Variants in SLC4A9 observed in about 807,000 individuals in gnomAD.
SLC4A9 encodes anion exchange protein 4.
Under a neutral mutation model 103.2 loss-of-function variants are expected in SLC4A9, and 102 were observed. That is an observed-to-expected ratio of 0.99 (90% CI 0.84 to 1.17). SLC4A9 has a LOEUF of 1.17. Ranked by LOEUF, SLC4A9 falls within the 50% of genes most tolerant of loss-of-function variation. SLC4A9 has a pLI of 0.00. For missense variants in SLC4A9, 1,091 were observed against 1,193.7 expected (o/e 0.91, Z 1.27); for synonymous variants, 453 against 483.6 (o/e 0.94, Z 0.83).
At chr5:140,361,708 T>C in intron 3 of SLC4A9, 100 bp from the exon 4 acceptor site, 1 of 1,329,046 alleles carries the variant, frequency 7.5e-7, no homozygotes, top group South Asian at 1.2e-5. Flanking sequence ...GGGTATACTC[T>C]AATTCTTACA....
At chr5:140,360,718 C>G in intron 1 of SLC4A9, 94 bp from the exon 2 acceptor site, 1 of 1,574,408 alleles carries the variant, frequency 6.4e-7, no homozygotes, top group Non-Finnish European at 8.6e-7. Context: ...CCAGGATGCC[C>G]TCATTGCCTT....
At position 140,363,887 on chromosome 5, in the gene SLC4A9, C is replaced by T; in HGVS notation, c.1239C>T (p.Ala413=). The change falls in exon 9 of 22, where the codon GCC becomes GCT. Residue 413 remains alanine, a synonymous_variant. Coordinates refer to ENST00000506757, the MANE Select transcript of SLC4A9 (RefSeq NM_031467.3). This position sits in a 1 kb window ranked among gnomAD's most constrained non-coding sequence, Gnocchi z 4.5. The part of the protein sequence containing the change: ...AITFGGLLGD[A]TDGAQGVLES... ...CTTTTGGGGGTCTGCTGGGAGATGC[C>T]ACTGATGGTGCCCAGGTGGGTAGGG... is the stretch of plus-strand genomic sequence containing the variant. 3 of 1,613,816 alleles carry T rather than the reference C, an allele frequency of 1.9e-6. No homozygotes were observed. Among genetic ancestry groups the T allele is most frequent in the Non-Finnish European group, 2.5e-6 (3 of 1,179,834 alleles).
chr5:140,368,094 G>T (rs1303965104), intron 16 of SLC4A9, among the ~76,000 whole-genome samples, 196 bp downstream of exon 16: 1 of 152,172 alleles, frequency 6.6e-6, no homozygotes, highest in Admixed American at 6.5e-5. Flanking sequence ...ATGGGGACTG[G>T]GAGGGGCCTC....
In SLC4A9 at chr5:140,366,782, C is replaced by T. The variant is rs564057623; in HGVS notation, c.2013+518C>T. ...CCTTGGCGTGGCCCTGCCCACTCCA[C>T]TACTCCTCACTCTCTTCTTCCCACC... On this transcript the variant is annotated intron_variant, in intron 14 of 21. Coordinates refer to ENST00000506757, the MANE Select transcript of SLC4A9 (RefSeq NM_031467.3). Among the ~76,000 whole-genome samples the T allele has an allele frequency of 3.3e-5, 5 of 152,298 alleles. No individual in the cohort carries two copies. The South Asian group carries it at 1.0e-3, about 32-fold the overall frequency.
At position 140,362,193 on chromosome 5, in the gene SLC4A9, T is replaced by A. The variant is rs779807297; in HGVS notation, c.719+19T>A. 11 of 1,507,662 alleles carry A rather than the reference T, an allele frequency of 7.3e-6. No individual in the cohort carries two copies. In the South Asian group the frequency reaches 1.5e-4, roughly 20 times the overall value. 93.4% of individuals were successfully genotyped at this position (1,507,662 alleles called of 1,614,324 possible). ...CAAGCAGGTGAGGCTACTGAGTGAG[T>A]GGGAGTCAGGGATCCCAGAACCTAG... On this transcript the variant is annotated intron_variant, in intron 5 of 21. Transcript: ENST00000506757.
At chr5:140,368,525 C>T (rs569002423) in intron 16 of SLC4A9, 62 bp from the exon 17 acceptor site, 1 of 1,444,920 alleles carries the variant, frequency 6.9e-7, no homozygotes, top group Non-Finnish European at 9.6e-7. Context: ...CAGCCAGGAT[C>T]TCCAGTCTGG....
chr5:140,363,401 G>A lies in SLC4A9; in HGVS notation c.963-38G>A. 1 of 1,533,942 alleles carries A rather than the reference G, an allele frequency of 6.5e-7. No individual in the cohort carries two copies. The highest frequency in any genetic ancestry group is 1.2e-5 in the South Asian group (1 of 83,536). ...TCTGGACCGAGTCGCAGACTGGTTG[G>A]AGATCCTCAGCCAACCTGGGGTTCC... On this transcript the variant is annotated intron_variant, in intron 7 of 21. Coordinates refer to ENST00000506757, the MANE Select transcript of SLC4A9 (RefSeq NM_031467.3). The surrounding 1 kb of genome is among the most constrained non-coding windows in gnomAD (Gnocchi z 4.5).
At chr5:140,361,204 G>A in intron 2 of SLC4A9, 50 bp from the exon 3 acceptor site, 1 of 1,471,604 alleles carries the variant, frequency 6.8e-7, no homozygotes, top group Non-Finnish European at 9.3e-7. Flanking sequence ...GGGGAAGAGT[G>A]TGCGGCAGGG....
chr5:140,366,005 C>G lies in SLC4A9; in HGVS notation c.1882C>G (p.Arg628Gly), dbSNP rs749285211. ...AMALKCVKTS[R>G]FFPSVVRKGL... ...GGCCCTCAAGTGTGTAAAGACCAGC[C>G]GCTTCTTCCCCTCTGTGGTGAGTTT... Residue 628 changes from arginine (R) to glycine (G), a missense_variant, in exon 13 of 22, where the codon CGC becomes GGC. By Grantham distance (125) the Arg-to-Gly change is moderately radical. Transcript: ENST00000506757. The G allele has an allele frequency of 2.5e-6, 4 of 1,613,964 alleles. No homozygotes were observed. The East Asian group carries it at 6.7e-5, about 27-fold the overall frequency.
Position 140,371,451 on chromosome 5 carries a change from T to G in SLC4A9, c.2497T>G (p.Phe833Val), listed in dbSNP as rs1417731214. 1.9e-6 allele frequency: 3 copies of G among 1,613,986 alleles called. No individual in the cohort carries two copies. The highest frequency in any genetic ancestry group is 2.5e-6 in the Non-Finnish European group (3 of 1,179,878). ...MGVAALSSIQFTNRVKLLLMP... is the reference protein window; with the variant it reads ...MGVAALSSIQVTNRVKLLLMP... ...TTTCCTCTTCCTCTTGTTCCCCTAG[T>G]TCACTAATAGGGTGAAGCTGTTGTT... Residue 833 changes from phenylalanine (F) to valine (V), a missense_variant and splice_region_variant, in exon 19 of 22, where the codon TTC becomes GTC. By Grantham distance (50) the Phe-to-Val change is conservative. Coordinates refer to ENST00000506757, the MANE Select transcript of SLC4A9 (RefSeq NM_031467.3).
chr5:140,363,193 G>C lies in SLC4A9; in HGVS notation c.962+127G>C, dbSNP rs1581136442. 9.4e-6 allele frequency: 12 copies of C among 1,270,798 alleles called. No homozygotes were observed. The East Asian group carries it at 3.0e-4, about 32-fold the overall frequency. The allele number at this position is 1,270,798 out of a possible 1,614,324, so 78.7% of individuals were successfully genotyped here. ...CTATCTTTGGATTTGGAGTCAGGCAGACCTAACTCTGAGTTCTGCTGGACT... is the reference window on the plus strand; with the variant it reads ...CTATCTTTGGATTTGGAGTCAGGCACACCTAACTCTGAGTTCTGCTGGACT... On this transcript the variant is annotated intron_variant, in intron 7 of 21. Coordinates refer to ENST00000506757, the MANE Select transcript of SLC4A9 (RefSeq NM_031467.3). The surrounding 1 kb of genome is among the most constrained non-coding windows in gnomAD (Gnocchi z 4.5).
In SLC4A9 at chr5:140,362,907, C is replaced by T; in HGVS notation, c.808-5C>T. The T allele has an allele frequency of 6.2e-7, 1 of 1,613,978 alleles. No individual in the cohort carries two copies. Among genetic ancestry groups the T allele is most frequent in the Non-Finnish European group, 8.5e-7 (1 of 1,179,876 alleles). ...TTACCACCCATTCTGTGCCCCCATT[C>T]CCAGCAATTCCAGTGGTCAGTTCGT... On this transcript the variant is annotated splice_polypyrimidine_tract_variant and splice_region_variant and intron_variant, in intron 6 of 21. Coordinates refer to ENST00000506757, the MANE Select transcript of SLC4A9 (RefSeq NM_031467.3).
Position 140,362,981 on chromosome 5 carries a change from G to T in SLC4A9, c.877G>T (p.Glu293Ter). 6.2e-7 allele frequency: 1 copy of T among 1,613,234 alleles called. No homozygotes were observed. The highest frequency in any genetic ancestry group is 8.5e-7 in the Non-Finnish European group (1 of 1,179,670). ...DLLAALDAFL[E>*]EVTVLPPGRW... ...TCTGGCAGCCCTGGATGCATTCCTA[G>T]AGGAGGTGACAGTGCTTCCCCCAGG... Residue 293 changes from glutamate to a stop codon, truncating the protein, a stop_gained, in exon 7 of 22, where the codon GAG (glutamate) becomes TAG (stop). Coordinates refer to ENST00000506757, the MANE Select transcript of SLC4A9 (RefSeq NM_031467.3). LOFTEE classifies it high-confidence loss of function.
intron 17 of SLC4A9, chr5:140,370,885 A>G: frequency 1.8e-6 from 1 of 548,680 alleles, no homozygotes; most frequent in Middle Eastern, 4.9e-4. Flanking sequence ...TCAATTTCCC[A>G]ATCTGTAAAA....
At position 140,365,826 on chromosome 5, in the gene SLC4A9, G is replaced by C; in HGVS notation, c.1711-8G>C. ...CTATAACTCCACTCCTGACCCTCCT[G>C]TGTACAGGACTTAGGCCTGATCAAT... On this transcript the variant is annotated splice_region_variant and splice_polypyrimidine_tract_variant and intron_variant, in intron 12 of 21. Coordinates refer to ENST00000506757, the MANE Select transcript of SLC4A9 (RefSeq NM_031467.3). 6.2e-7 allele frequency: 1 copy of C among 1,612,160 alleles called. No individual in the cohort carries two copies. Among genetic ancestry groups the C allele is most frequent in the African/African-American group, 1.3e-5 (1 of 75,010 alleles).
Position 140,361,382 on chromosome 5 carries a change from C to G in SLC4A9, c.505+15C>G, listed in dbSNP as rs867316150. Reference sequence around the variant, plus strand: ...GCCCTGCTGGGGTGAGAGCCCCTCCCTGGGCCCAGGACCAAGACCCTGGTG... The same window carrying G: ...GCCCTGCTGGGGTGAGAGCCCCTCCGTGGGCCCAGGACCAAGACCCTGGTG... On this transcript the variant is annotated intron_variant, in intron 3 of 21. Transcript: ENST00000506757. 1.7e-5 allele frequency: 26 copies of G among 1,545,168 alleles called. No individual in the cohort carries two copies. In the African/African-American group the frequency reaches 3.0e-4, roughly 18 times the overall value.
chr5:140,371,071 T>A, intron 17 of SLC4A9, 24 bp from the exon 18 acceptor site: 1 of 1,601,760 alleles, frequency 6.2e-7, no homozygotes, highest in Non-Finnish European at 8.5e-7. Context: ...TAAACTTTGA[T>A]AACTCTCTGC....
Position 140,362,908 on chromosome 5 carries a change from C to A in SLC4A9, c.808-4C>A. The A allele has an allele frequency of 6.2e-7, 1 of 1,613,972 alleles. No homozygotes were observed. The highest frequency in any genetic ancestry group is 8.5e-7 in the Non-Finnish European group (1 of 1,179,876). On this transcript the variant is annotated splice_polypyrimidine_tract_variant and splice_region_variant and intron_variant, in intron 6 of 21. Transcript: ENST00000506757. ...TACCACCCATTCTGTGCCCCCATTC[C>A]CAGCAATTCCAGTGGTCAGTTCGTC...
chr5:140,363,510 G>T lies in SLC4A9; in HGVS notation c.1034G>T (p.Arg345Leu). The T allele has an allele frequency of 1.3e-6, 2 of 1,552,166 alleles. No homozygotes were observed. Among genetic ancestry groups the T allele is most frequent in the Non-Finnish European group, 1.7e-6 (2 of 1,147,570 alleles). ...PRLTSAEDRHRHGPHAHSPEL... is the reference protein window; with the variant it reads ...PRLTSAEDRHLHGPHAHSPEL... ...CTGACCTCGGCTGAGGACAGGCACC[G>T]CCATGGGCCACACGCACACAGCCCG... The change falls in exon 8 of 22, where the codon CGC (arginine) becomes CTC (leucine). Residue 345 changes from arginine (R) to leucine (L), a missense_variant. Arg to Leu is a moderately radical substitution (Grantham distance 102). Coordinates refer to ENST00000506757, the MANE Select transcript of SLC4A9 (RefSeq NM_031467.3). The surrounding 1 kb of genome is among the most constrained non-coding windows in gnomAD (Gnocchi z 4.5).
Sources: allele counts gnomAD v4.1 joint callset (sites outside exome capture counted in the v4.1 genomes callset), GRCh38; gene constraint gnomAD v4.1.1; non-coding constraint Gnocchi (gnomAD v3.1); transcripts MANE v1.5; gene names NCBI Gene and HGNC (gene_info 2026-07-23, HGNC 2026-07-21).